Variants in BRWD3 observed in about 807,000 individuals in gnomAD.
The protein encoded by BRWD3 is bromodomain and WD repeat domain containing 3.
A neutral mutation model predicts 149.7 loss-of-function variants in BRWD3; 10 were observed. The ratio of observed to expected loss-of-function variants is 0.07; its 90% confidence interval spans 0.04 to 0.11. The LOEUF (loss-of-function observed/expected upper bound fraction) is 0.11, where lower values mean the gene tolerates loss of function less well. BRWD3 is among the 10% of genes least tolerant of loss of function. The probability of loss-of-function intolerance (pLI) is 1.00; values close to 1 mark genes in which losing one functional copy is unlikely to be tolerated. For missense variants in BRWD3, 940 were observed against 1,373.2 expected, an observed-to-expected ratio of 0.68 and a Z score of 4.99; for synonymous variants, 504 against 456.7, an observed-to-expected ratio of 1.10 and a Z score of -1.32.
At chrX:80,745,430 TCAA>T in intron 7 of BRWD3, 136 bp downstream of exon 7, 3 of 507,403 alleles carry the variant, frequency 5.9e-6, no homozygotes, top group Admixed American at 4.2e-5. Context: ...GAAACTTTTT[TCAA>T]TTTCCACTCA....
intron 6 of BRWD3, among the ~76,000 whole-genome samples, chrX:80,750,384 CA>C (rs373681832): frequency 0.096 from 9,896 of 103,464 alleles, 407 homozygotes; most frequent in South Asian, 0.19. Context: ...AACTCAATAG[CA>C]AAAAAAAAAT....
chrX:80,718,464 G>A (rs892740568), intron 18 of BRWD3, among the ~76,000 whole-genome samples: 5 of 111,250 alleles, frequency 4.5e-5, no homozygotes, highest in Non-Finnish European at 7.6e-5. Flanking sequence ...TAGTATTGAC[G>A]GTACAACAGA....
Position 80,718,942 on chromosome X carries a change from T to C in BRWD3, c.2044+547A>G, listed in dbSNP as rs371103718. Among the ~76,000 whole-genome samples, 91 of 111,495 alleles carry C rather than the reference T, an allele frequency of 8.2e-4. 3 individuals carry two copies. Among genetic ancestry groups the C allele is most frequent in the Admixed American group, 3.7e-3 (39 of 10,475 alleles). The stretch of plus-strand genomic sequence containing the variant: ...TTTAATATCATTTAAGGATAGAATA[T>C]TCATTTTAAGATAATTAATTATACA... On this transcript the variant is annotated intron_variant, in intron 18 of 40. Transcript: ENST00000373275.
intron 9 of BRWD3, 73 bp from the exon 10 acceptor site, chrX:80,735,270 G>T: frequency 2.5e-6 from 2 of 795,557 alleles, no homozygotes; most frequent in East Asian, 6.3e-5. Flanking sequence ...GCGCACTACT[G>T]GATACTGATC....
chrX:80,722,905 G>T, intron 16 of BRWD3, 118 bp from the exon 17 acceptor site: 1 of 613,286 alleles, frequency 1.6e-6, no homozygotes, highest in Non-Finnish European at 2.7e-6. Context: ...TACTCTTCTA[G>T]TCCTTTGTTG....
At chrX:80,731,269 G>A (rs1312789261) in intron 12 of BRWD3, among the ~76,000 whole-genome samples, 2 of 111,574 alleles carry the variant, frequency 1.8e-5, no homozygotes, top group Non-Finnish European at 3.8e-5. Flanking sequence ...TATTAGTAAA[G>A]TTGGACATCT....
Position 80,730,652 on chromosome X carries a change from C to T in BRWD3, c.1128-632G>A, listed in dbSNP as rs184241137. Among the ~76,000 whole-genome samples, 342 of 111,147 alleles carry T rather than the reference C, an allele frequency of 3.1e-3. 2 individuals carry two copies. Among genetic ancestry groups the T allele is most frequent in the African/African-American group, 0.011 (330 of 30,643 alleles). On this transcript the variant is annotated intron_variant, in intron 12 of 40. Transcript: ENST00000373275. ...ACAACCCTATGAATATACTAAAAAC[C>T]AATGAATTTTATGTCATGTAAATTA... is the stretch of plus-strand genomic sequence containing the variant.
At chrX:80,688,298 G>A (rs764756596) in intron 33 of BRWD3, among the ~76,000 whole-genome samples, 173 bp from the exon 34 acceptor site, 1 of 111,525 alleles carries the variant, frequency 9.0e-6, no homozygotes, top group African/African-American at 3.2e-5. Context: ...CCAATATGCA[G>A]TGTACAAGCT....
chrX:80,694,185 C>T (rs1277152133), intron 27 of BRWD3, among the ~76,000 whole-genome samples: 3 of 111,956 alleles, frequency 2.7e-5, no homozygotes, highest in Non-Finnish European at 5.6e-5. Context: ...GGTGTAAGCC[C>T]CAAACCTTGA....
At chrX:80,729,509 A>G (rs2073296311) in intron 13 of BRWD3, among the ~76,000 whole-genome samples, 1 of 111,892 alleles carries the variant, frequency 8.9e-6, no homozygotes, top group Non-Finnish European at 1.9e-5. Flanking sequence ...GATATTTATT[A>G]CTGAGTAGGA....
chrX:80,796,972 G>A (rs887042909), intron 4 of BRWD3, among the ~76,000 whole-genome samples: 1 of 110,851 alleles, frequency 9.0e-6, no homozygotes, highest in Non-Finnish European at 1.9e-5. Flanking sequence ...CTAGGAGTTC[G>A]AGACTCGCCT....
intron 27 of BRWD3, among the ~76,000 whole-genome samples, chrX:80,695,223 G>A (rs754155037): frequency 8.1e-5 from 9 of 111,434 alleles, no homozygotes; most frequent in South Asian, 3.8e-4. Flanking sequence ...AAGGCCTCCC[G>A]AGCCATGTGG....
chrX:80,764,595 G>T (rs146660256), intron 6 of BRWD3, among the ~76,000 whole-genome samples: 1 of 109,963 alleles, frequency 9.1e-6, no homozygotes, highest in Non-Finnish European at 1.9e-5. Flanking sequence ...TTACAGGTGT[G>T]AGCCACCGCG....
chrX:80,690,950 C>A, intron 31 of BRWD3, 103 bp downstream of exon 31: 1 of 997,807 alleles, frequency 1.0e-6, no homozygotes, highest in Non-Finnish European at 1.4e-6. Context: ...TGGTGTGGGT[C>A]TTTTGGATGA....
At chrX:80,793,865 G>C (rs1351976756) in intron 4 of BRWD3, 93 bp from the exon 5 acceptor site, 6 of 916,323 alleles carry the variant, frequency 6.5e-6, no homozygotes, top group Non-Finnish European at 9.3e-6. Context: ...ATTCATTATA[G>C]AGCAAAGTAC....
intron 4 of BRWD3, among the ~76,000 whole-genome samples, chrX:80,797,214 C>T (rs941151102): frequency 3.6e-5 from 4 of 111,644 alleles, no homozygotes; most frequent in Admixed American, 2.9e-4. Context: ...ACAGCTTATT[C>T]CTTTTTTCCC....
At chrX:80,686,450 AAAAGT>A (rs1200937731) in intron 35 of BRWD3, among the ~76,000 whole-genome samples, 3 of 108,552 alleles carry the variant, frequency 2.8e-5, no homozygotes, top group African/African-American at 1.0e-4. Context: ...TAAATTAAAA[AAAAGT>A]AAAGAAAAGA....
At position 80,698,399 on chromosome X, in the gene BRWD3, A is replaced by G. The variant is rs976653934; in HGVS notation, c.2944-1536T>C. Among the ~76,000 whole-genome samples, 20 of 111,982 alleles carry G rather than the reference A, an allele frequency of 1.8e-4. 1 individual carries two copies. Among genetic ancestry groups the G allele is most frequent in the African/African-American group, 6.2e-4 (19 of 30,802 alleles). ...GCTGCTCCTACAATTTCCTAGGACA[A>G]CAAGGTTAGGATAAAAAGTAAGAAC... On this transcript the variant is annotated intron_variant, in intron 25 of 40. Coordinates refer to ENST00000373275, the MANE Select transcript of BRWD3 (RefSeq NM_153252.5).
In BRWD3 at chrX:80,736,600, T is replaced by C. The variant is rs900749169; in HGVS notation, c.814-512A>G. On this transcript the variant is annotated intron_variant, in intron 8 of 40. Transcript: ENST00000373275. ...CATTCAATTGAAGTATATAATTTTG[T>C]CTTTTTTAGATGTAAGCCATTTGTT... is the stretch of plus-strand genomic sequence containing the variant. Among the ~76,000 whole-genome samples the C allele has an allele frequency of 1.7e-4, 19 of 112,185 alleles. No homozygotes were observed. The East Asian group carries it at 2.5e-3, about 15-fold the overall frequency.
Sources: gnomAD v4.1 joint callset for allele counts (sites outside exome capture counted in the v4.1 genomes callset) on GRCh38, gnomAD v4.1.1 for gene constraint, MANE v1.5 for transcripts, NCBI Gene and HGNC (gene_info 2026-07-23, HGNC 2026-07-21) for gene names.